The following LMBRD2 variants were observed in gnomAD, a reference collection of about 807,000 sequenced individuals.
The protein encoded by LMBRD2 is G protein-coupled receptor-associated protein LMBRD2.
LMBRD2 carries 55 observed loss-of-function variants against 94.4 expected under a neutral mutation model. The observed-to-expected ratio is 0.58, with a 90% CI of 0.47 to 0.73. The LOEUF is 0.73. LMBRD2 is among the 30% of genes least tolerant of loss of function. The pLI is 0.00. For missense variants in LMBRD2, 640 were observed against 831.9 expected, an observed-to-expected ratio of 0.77 and a Z score of 2.84; for synonymous variants, 246 against 272.4, an observed-to-expected ratio of 0.90 and a Z score of 0.95.
intron 6 of LMBRD2, among the ~76,000 whole-genome samples, chr5:36,132,644 G>T: frequency 7.8e-6 from 1 of 127,992 alleles, no homozygotes; most frequent in South Asian, 2.4e-4. Context: ...ATTAAAAATG[G>T]GCAAAAGATT....
chr5:36,109,838 T>C lies in LMBRD2; in HGVS notation c.1791+107A>G, dbSNP rs189870800. The C allele has an allele frequency of 3.3e-4, 259 of 785,806 alleles. No homozygotes were observed. In the African/African-American group the frequency reaches 4.1e-3, roughly 12 times the overall value. The allele number at this position is 785,806 out of a possible 1,614,324, so 48.7% of individuals were successfully genotyped here. A position where few individuals can be genotyped will look rare whatever the true frequency, so the allele number is the denominator to read the frequency against. The stretch of plus-strand genomic sequence containing the variant: ...TTAAAAATATATCTTATAACATTTT[T>C]CCACTGTTTTTTTCTGTCTTTAGCT... On this transcript the variant is annotated intron_variant, in intron 15 of 17. Transcript: ENST00000296603.
At chr5:36,146,921 C>CGT (rs745950793) in intron 1 of LMBRD2, among the ~76,000 whole-genome samples, 1 of 74,940 alleles carries the variant, frequency 1.3e-5, no homozygotes. Context: ...TCTCTCTCTG[C>CGT]GTGTGTGTGT....
In LMBRD2 at chr5:36,116,567, G is replaced by A. The variant is rs1743749984; in HGVS notation, c.1329C>T (p.Phe443=). The change falls in exon 11 of 18, where the codon TTC becomes TTT. Residue 443 remains phenylalanine (F), a synonymous_variant. Transcript: ENST00000296603. ...CAGTAGAATAAACACAGATACTTAG[G>A]AAGAAGATGGAAAGGAAGCAGGCAA... ...IEIACFLSIF[F]LSICVYSTVF... 12 of 1,611,262 alleles carry A rather than the reference G, an allele frequency of 7.4e-6. No homozygotes were observed. The African/African-American group carries it at 1.1e-4, about 14-fold the overall frequency.
At chr5:36,124,094 C>CT in intron 7 of LMBRD2, 97 bp downstream of exon 7, 2 of 605,258 alleles carry the variant, frequency 3.3e-6, no homozygotes, top group Non-Finnish European at 5.6e-6. Context: ...TTTAGAAGAC[C>CT]TCAGCTATAG....
Position 36,099,200 on chromosome 5 carries a change from T to C in LMBRD2, c.*4846A>G, listed in dbSNP as rs1023360471. 1.3e-5 allele frequency: 2 copies of C among 152,106 alleles called. No individual in the cohort carries two copies. Among genetic ancestry groups the C allele is most frequent in the Admixed American group, 1.3e-4 (2 of 15,262 alleles). 9.4% of individuals were successfully genotyped at this position (152,106 alleles called of 1,614,324 possible). On this transcript the variant is annotated 3_prime_UTR_variant, in exon 18 of 18. Coordinates refer to ENST00000296603, the MANE Select transcript of LMBRD2 (RefSeq NM_001007527.2). The stretch of plus-strand genomic sequence containing the variant: ...AGGAAATAGGTCTGGGCAGAACTTA[T>C]TTGAGATAGATTTTAAAACTATTTA...
At chr5:36,137,536 GA>G (rs1312716267) in intron 4 of LMBRD2, 95 bp from the exon 5 acceptor site, 2 of 679,572 alleles carry the variant, frequency 2.9e-6, no homozygotes, top group African/African-American at 3.6e-5. Context: ...CAATTTTAAT[GA>G]ATAGGTCTTC....
chr5:36,143,881 GAA>G (rs544549079), intron 1 of LMBRD2, among the ~76,000 whole-genome samples: 46 of 151,862 alleles, frequency 3.0e-4, no homozygotes, highest in African/African-American at 1.0e-3. Flanking sequence ...GGAAAAAACG[GAA>G]AGAGACCATT....
intron 6 of LMBRD2, among the ~76,000 whole-genome samples, chr5:36,131,941 T>C (rs1271048781): frequency 6.6e-6 from 1 of 152,128 alleles, no homozygotes; most frequent in Non-Finnish European, 1.5e-5. Flanking sequence ...ACCAACGACA[T>C]TCTTAACAGA....
chr5:36,109,861 G>T, intron 15 of LMBRD2, 84 bp downstream of exon 15: 2 of 989,570 alleles, frequency 2.0e-6, no homozygotes, highest in South Asian at 1.6e-5. Flanking sequence ...TCTGTCTTTA[G>T]CTAATTATTC....
At chr5:36,113,313 A>G (rs1300923111) in intron 13 of LMBRD2, among the ~76,000 whole-genome samples, 1 of 151,516 alleles carries the variant, frequency 6.6e-6, no homozygotes, top group Non-Finnish European at 1.5e-5. Context: ...ATCTATCAAG[A>G]CCCTCTCACG....
intron 15 of LMBRD2, among the ~76,000 whole-genome samples, chr5:36,109,686 T>C (rs1292084251): frequency 6.6e-6 from 1 of 152,082 alleles, no homozygotes; most frequent in East Asian, 1.9e-4. Context: ...CAAATATTCA[T>C]GGAGCACCTA....
chr5:36,138,851 C>T (rs1482758584), intron 4 of LMBRD2, among the ~76,000 whole-genome samples: 1 of 152,212 alleles, frequency 6.6e-6, no homozygotes, highest in African/African-American at 2.4e-5. Context: ...AAATTGAAAG[C>T]TACAAGTATG....
Position 36,142,614 on chromosome 5 carries a change from G to A in LMBRD2, c.175-15C>T, listed in dbSNP as rs540503307. On this transcript the variant is annotated splice_polypyrimidine_tract_variant and intron_variant, in intron 2 of 17. Coordinates refer to ENST00000296603, the MANE Select transcript of LMBRD2 (RefSeq NM_001007527.2). ...TTGTATATTGTCTAAAGCAACGAAT[G>A]TATGGTTTAAAAATGAGAATCAAAA... The A allele has an allele frequency of 2.7e-6, 4 of 1,461,254 alleles. No homozygotes were observed. The South Asian group carries it at 4.6e-5, about 17-fold the overall frequency. 90.5% of individuals were successfully genotyped at this position (1,461,254 alleles called of 1,614,324 possible). A position where few individuals can be genotyped will look rare whatever the true frequency, so the allele number is the denominator to read the frequency against.
At chr5:36,125,438 T>C (rs530292967) in intron 6 of LMBRD2, among the ~76,000 whole-genome samples, 31 of 152,150 alleles carry the variant, frequency 2.0e-4, no homozygotes, top group Non-Finnish European at 4.1e-4. Context: ...TTATCCTTAA[T>C]ATGTGATGAG....
chr5:36,124,164 AG>A, intron 7 of LMBRD2, 26 bp downstream of exon 7: 1 of 1,338,442 alleles, frequency 7.5e-7, no homozygotes, highest in Non-Finnish European at 1.1e-6. Context: ...ATATTTCAAA[AG>A]GAAACAGACA....
intron 3 of LMBRD2, among the ~76,000 whole-genome samples, chr5:36,141,812 G>A (rs1744417320): frequency 6.6e-6 from 1 of 152,088 alleles, no homozygotes; most frequent in African/African-American, 2.4e-5. Context: ...CCAAGAACTT[G>A]CAACAATCTG....
intron 4 of LMBRD2, among the ~76,000 whole-genome samples, chr5:36,140,092 TGAG>T (rs1366442807): frequency 7.9e-5 from 12 of 152,248 alleles, no homozygotes; most frequent in Admixed American, 6.5e-5. Context: ...TTTGGAGCTC[TGAG>T]GTTTCTGGCA....
chr5:36,120,675 T>C (rs1181017373), intron 9 of LMBRD2, among the ~76,000 whole-genome samples: 1 of 152,218 alleles, frequency 6.6e-6, no homozygotes, highest in Non-Finnish European at 1.5e-5. Flanking sequence ...AAAACATTTT[T>C]AGAGTTTTCT....
chr5:36,136,495 TATCCCA>T lies in LMBRD2; in HGVS notation c.555_560del (p.Gly186_Ile187del). 1 of 1,614,022 alleles carries T rather than the reference TATCCCA, an allele frequency of 6.2e-7. No individual in the cohort carries two copies. Among genetic ancestry groups the T allele is most frequent in the Non-Finnish European group, 8.5e-7 (1 of 1,179,894 alleles). On this transcript the variant is annotated inframe_deletion, in exon 6 of 18. Transcript: ENST00000296603. ...ACAGACCCCATGTATTTGCAGCAGCTATCCCAATTGTCTGAAGCTGGTTCCTAAGAA... is the reference window on the plus strand; with the variant it reads ...ACAGACCCCATGTATTTGCAGCAGCTATTGTCTGAAGCTGGTTCCTAAGAA...
Sources: allele counts gnomAD v4.1 joint callset (sites outside exome capture counted in the v4.1 genomes callset), GRCh38; gene constraint gnomAD v4.1.1; transcripts MANE v1.5; gene names NCBI Gene and HGNC (gene_info 2026-07-23, HGNC 2026-07-21).